The following RBM12 variants were observed in gnomAD, a reference collection of about 807,000 sequenced individuals.
RBM12 encodes RNA-binding protein 12.
In RBM12, 24 loss-of-function variants were observed where a neutral mutation model predicts 37.2. The observed-to-expected ratio is 0.65, with a 90% CI of 0.47 to 0.91. RBM12 has a LOEUF of 0.91. Among genes scored for constraint, RBM12 ranks in the 40% least tolerant of loss-of-function variants. RBM12 has a pLI of 0.00. For synonymous variants in RBM12, 420 were observed against 425.2 expected, an observed-to-expected ratio of 0.99 and a Z score of 0.15; for missense variants, 1,061 against 1,183.2, an observed-to-expected ratio of 0.90 and a Z score of 1.52.
chr20:35,662,576 A>G (rs986814316), intron 1 of RBM12, among the ~76,000 whole-genome samples: 1 of 152,246 alleles, frequency 6.6e-6, no homozygotes, highest in African/African-American at 2.4e-5. Flanking sequence ...ATCTAAAAGC[A>G]TCTTTTGTGC....
In RBM12 at chr20:35,651,963, G is replaced by A. The variant is rs1257738293; in HGVS notation, c.*561C>T. 6.6e-6 allele frequency: 1 copy of A among 152,520 alleles called. No homozygotes were observed. Among genetic ancestry groups the A allele is most frequent in the Admixed American group, 6.5e-5 (1 of 15,278 alleles). The allele number at this position is 152,520 out of a possible 1,614,324, so 9.4% of individuals were successfully genotyped here. A position where few individuals can be genotyped will look rare whatever the true frequency, so the allele number is the denominator to read the frequency against. ...TTAGACAAACAAAGCAGCAACTTCT[G>A]AAGCAGGACTGTCTATACAGCAAGG... On this transcript the variant is annotated 3_prime_UTR_variant, in exon 3 of 3. Coordinates refer to ENST00000374114, the MANE Select transcript of RBM12 (RefSeq NM_006047.6).
intron 2 of RBM12, among the ~76,000 whole-genome samples, chr20:35,658,195 T>G (rs17427233): frequency 0.068 from 10,291 of 152,270 alleles, 431 homozygotes; most frequent in South Asian, 0.18. Context: ...AGGGTTAGAT[T>G]CCACTTGCTA....
At position 35,654,707 on chromosome 20, in the gene RBM12, G is replaced by A. The variant is rs2033786093; in HGVS notation, c.616C>T (p.Pro206Ser). ...ACTGGAGGAGGAACTGGAATTGGGGGAATGGATGGCATTGGTGGCAGAGAT... is the reference window on the plus strand; with the variant it reads ...ACTGGAGGAGGAACTGGAATTGGGGAAATGGATGGCATTGGTGGCAGAGAT... The part of the protein sequence containing the change: ...MPSLPPMPSI[P>S]PIPVPPPVPT... Residue 206 changes from proline (P) to serine (S), a missense_variant, in exon 3 of 3, where the codon CCC becomes TCC. Physicochemically the swap from Pro to Ser is moderately conservative, Grantham distance 74 (BLOSUM62 -1). Transcript: ENST00000374114. The A allele has an allele frequency of 6.2e-7, 1 of 1,613,796 alleles. No homozygotes were observed. The highest frequency in any genetic ancestry group is 8.5e-7 in the Non-Finnish European group (1 of 1,179,718).
At position 35,652,677 on chromosome 20, in the gene RBM12, G is replaced by C. The variant is rs754431598; in HGVS notation, c.2646C>G (p.Ile882Met). 1 of 1,614,130 alleles carries C rather than the reference G, an allele frequency of 6.2e-7. No individual in the cohort carries two copies. Among genetic ancestry groups the C allele is most frequent in the Non-Finnish European group, 8.5e-7 (1 of 1,179,986 alleles). The part of the protein sequence containing the change: ...ILDFFYGYQV[I>M]PGSVCLKYNE... ...TGTATTTTAAACACACTGAGCCTGG[G>C]ATTACTTGATAGCCATAAAAGAAAT... The change falls in exon 3 of 3, where the codon ATC becomes ATG. Residue 882 changes from isoleucine (I) to methionine (M), a missense_variant. Ile to Met is a conservative substitution (Grantham distance 10). Transcript: ENST00000374114.
chr20:35,650,653 T>C lies in RBM12; in HGVS notation c.*1871A>G, dbSNP rs370931109. The C allele has an allele frequency of 3.9e-5, 6 of 152,606 alleles. No individual in the cohort carries two copies. The highest frequency in any genetic ancestry group is 9.7e-5 in the African/African-American group (4 of 41,448). 9.5% of individuals were successfully genotyped at this position (152,606 alleles called of 1,614,324 possible). On this transcript the variant is annotated 3_prime_UTR_variant, in exon 3 of 3. Coordinates refer to ENST00000374114, the MANE Select transcript of RBM12 (RefSeq NM_006047.6). ...ATGAATTATCAAAAGACCCACAACATAGTCACCTCTTGAGTCTAAACAATC... is the reference window on the plus strand; with the variant it reads ...ATGAATTATCAAAAGACCCACAACACAGTCACCTCTTGAGTCTAAACAATC...
At chr20:35,658,165 A>G (rs1005984232) in intron 2 of RBM12, among the ~76,000 whole-genome samples, 1 of 152,232 alleles carries the variant, frequency 6.6e-6, no homozygotes, top group Non-Finnish European at 1.5e-5. Context: ...ACTTGGGCCT[A>G]TCTTAGTTAC....
Position 35,653,532 on chromosome 20 carries a change from A to C in RBM12, c.1791T>G (p.Asp597Glu), listed in dbSNP as rs1313618788. 6.2e-7 allele frequency: 1 copy of C among 1,614,206 alleles called. No individual in the cohort carries two copies. The highest frequency in any genetic ancestry group is 2.2e-5 in the East Asian group (1 of 44,892). The change falls in exon 3 of 3, where the codon GAT becomes GAG. Residue 597 changes from aspartate (D) to glutamate (E), a missense_variant. Transcript: ENST00000374114. ...GGTGTAAGCGTTCAGACTTACGTGC[A>C]TCATCTTCATTTTTAAACTGAACCA... is the stretch of plus-strand genomic sequence containing the variant. ...QALVQFKNED[D>E]ARKSERLHRK...
Position 35,653,817 on chromosome 20 carries a change from A to AACTTGAATAAAGCGATTGCCC in RBM12, c.1485_1505dup (p.Gly496_Val502dup). The AACTTGAATAAAGCGATTGCCC allele has an allele frequency of 6.2e-7, 1 of 1,613,884 alleles. No individual in the cohort carries two copies. The highest frequency in any genetic ancestry group is 8.5e-7 in the Non-Finnish European group (1 of 1,180,040). On this transcript the variant is annotated inframe_insertion, in exon 3 of 3. Transcript: ENST00000374114. ...GCATACCTTTCTTAGTAATTGGATG[A>AACTTGAATAAAGCGATTGCCC]ACTTGAATAAAGCGATTGCCCATGT...
rs1042716515 is a variant in RBM12, at chr20:35,650,464, G to A, written c.*2060C>T. ...CTTTCCAATGGAGAAAATATCTGTG[G>A]CTGAAATACAACTCTCAAGCAGTGC... On this transcript the variant is annotated 3_prime_UTR_variant, in exon 3 of 3. Coordinates refer to ENST00000374114, the MANE Select transcript of RBM12 (RefSeq NM_006047.6). 1.3e-4 allele frequency: 20 copies of A among 152,560 alleles called. No homozygotes were observed. Among genetic ancestry groups the A allele is most frequent in the Admixed American group, 5.9e-4 (9 of 15,266 alleles). 9.5% of individuals were successfully genotyped at this position (152,560 alleles called of 1,614,324 possible).
rs764500140 is a variant in RBM12 at position 35,653,238 on chromosome 20, T to TGCACTGGGCATTCCC, written c.2070_2084dup (p.Met692_Gly696dup). On this transcript the variant is annotated inframe_insertion, in exon 3 of 3. Transcript: ENST00000374114. ...CTTCACCTCCTGCACTAGGTATTCC[T>TGCACTGGGCATTCCC]GCACTGGGCATTCCCGCACCAGGCA... is the stretch of plus-strand genomic sequence containing the variant. 6.2e-7 allele frequency: 1 copy of TGCACTGGGCATTCCC among 1,613,604 alleles called. No homozygotes were observed. The highest frequency in any genetic ancestry group is 8.5e-7 in the Non-Finnish European group (1 of 1,179,918).
chr20:35,658,802 A>AC (rs2034058571), intron 2 of RBM12, 128 bp downstream of exon 2: 200 of 473,570 alleles, frequency 4.2e-4, no homozygotes, highest in African/African-American at 1.4e-3. Context: ...AGCAAACAAA[A>AC]ACACACACAC....
intron 1 of RBM12, 52 bp downstream of exon 1, chr20:35,664,698 CCACCAAGGGG>C (rs1208990105): frequency 1.3e-5 from 2 of 152,378 alleles, no homozygotes; most frequent in South Asian, 2.1e-4. Flanking sequence ...CCGCCCCGGG[CCACCAAGGGG>C]CACCACGAGC....
At chr20:35,657,457 A>G (rs11696527) in intron 2 of RBM12, among the ~76,000 whole-genome samples, 15,283 of 152,176 alleles carry the variant, frequency 0.1, 802 homozygotes, top group South Asian at 0.15. Context: ...CAGGTACTCA[A>G]AACAACTTGA....
rs1434952240 is a variant in RBM12, at chr20:35,650,842, T to A, written c.*1682A>T. The A allele has an allele frequency of 6.6e-6, 1 of 152,608 alleles. No individual in the cohort carries two copies. Among genetic ancestry groups the A allele is most frequent in the Non-Finnish European group, 1.5e-5 (1 of 68,026 alleles). The allele number at this position is 152,608 out of a possible 1,614,324, so 9.5% of individuals were successfully genotyped here. A position where few individuals can be genotyped will look rare whatever the true frequency, so the allele number is the denominator to read the frequency against. Reference sequence around the variant, plus strand: ...ACACCAAAAAGGCACTGTATATATATATAGTTTAATAGGAAATACTTATTT... The same window carrying A: ...ACACCAAAAAGGCACTGTATATATAAATAGTTTAATAGGAAATACTTATTT... On this transcript the variant is annotated 3_prime_UTR_variant, in exon 3 of 3. Transcript: ENST00000374114.
At chr20:35,659,138 C>CAAA (rs370328377) in intron 1 of RBM12, 124 bp from the exon 2 acceptor site, 15 of 272,298 alleles carry the variant, frequency 5.5e-5, no homozygotes, top group South Asian at 1.7e-4. Context: ...GAATGCATAT[C>CAAA]AAAAAAAAAA....
At position 35,654,548 on chromosome 20, in the gene RBM12, T is replaced by A. The variant is rs201755475; in HGVS notation, c.775A>T (p.Met259Leu). The A allele has an allele frequency of 1.8e-4, 288 of 1,614,112 alleles. No homozygotes were observed. Among genetic ancestry groups the A allele is most frequent in the Non-Finnish European group, 2.3e-4 (269 of 1,180,054 alleles). The change falls in exon 3 of 3, where the codon ATG becomes TTG. Residue 259 changes from methionine to leucine, a missense_variant. This residue lies in a region of RBM12 where 540 missense variants were observed against 632.7 expected (regional missense o/e 0.85). Transcript: ENST00000374114. ...TTCATAGGTGCTCCAGAGCCATTCA[T>A]TCCAGCAGGTAGAGGTGCCACAGGT... Reference protein sequence around the residue: ...PPPVAPLPAGMNGSGAPMNLN... With the variant: ...PPPVAPLPAGLNGSGAPMNLN...
chr20:35,663,893 A>C (rs1307937519), intron 1 of RBM12, among the ~76,000 whole-genome samples: 1 of 151,710 alleles, frequency 6.6e-6, no homozygotes, highest in Non-Finnish European at 1.5e-5. Flanking sequence ...AACTCAATTA[A>C]CTCTCCATCA....
rs747992535 is a variant in RBM12 at position 35,655,432 on chromosome 20, G to A, written c.-22-88C>T. On this transcript the variant is annotated intron_variant, in intron 2 of 2. Coordinates refer to ENST00000374114, the MANE Select transcript of RBM12 (RefSeq NM_006047.6). ...ACAAGAATGACCAGCTACCATATTA[G>A]GCCCTCAAATATTCCCTCAAGCTAT... 380 of 1,148,802 alleles carry A rather than the reference G, an allele frequency of 3.3e-4. 2 individuals carry two copies. Among genetic ancestry groups the A allele is most frequent in the Non-Finnish European group, 4.5e-4 (372 of 829,762 alleles). The allele number at this position is 1,148,802 out of a possible 1,614,324, so 71.2% of individuals were successfully genotyped here. A position where few individuals can be genotyped will look rare whatever the true frequency, so the allele number is the denominator to read the frequency against.
In RBM12 at chr20:35,654,137, C is replaced by T. The variant is rs1305923254; in HGVS notation, c.1186G>A (p.Gly396Arg). 6.2e-7 allele frequency: 1 copy of T among 1,614,120 alleles called. No individual in the cohort carries two copies. The change falls in exon 3 of 3, where the codon GGA becomes AGA. Residue 396 changes from glycine (G) to arginine (R), a missense_variant. Gly to Arg is a moderately radical substitution (Grantham distance 125, BLOSUM62 -2). Coordinates refer to ENST00000374114, the MANE Select transcript of RBM12 (RefSeq NM_006047.6). ...GGGGGATGAGTTTGTCCAGAAGGTCCCATATTTTGCTTAAAAGTGATATGG... is the reference window on the plus strand; with the variant it reads ...GGGGGATGAGTTTGTCCAGAAGGTCTCATATTTTGCTTAAAAGTGATATGG... ...GGHITFKQNM[G>R]PSGQTHPPPQ...
Sources: allele counts gnomAD v4.1 joint callset (sites outside exome capture counted in the v4.1 genomes callset), GRCh38; gene constraint gnomAD v4.1.1; regional missense constraint gnomAD v4.1.1; transcripts MANE v1.5; gene names NCBI Gene and HGNC (gene_info 2026-07-23, HGNC 2026-07-21).